Variants in NPTX1 observed in about 807,000 individuals in gnomAD.
NPTX1 encodes the protein neuronal pentraxin 1.
In NPTX1, 12 loss-of-function variants were observed where a neutral mutation model predicts 38.7. The observed-to-expected ratio is 0.31, with a 90% CI of 0.20 to 0.50. The LOEUF is 0.50. Among genes scored for constraint, NPTX1 ranks in the 20% least tolerant of loss-of-function variants. The pLI is 0.98. For missense variants in NPTX1, 454 were observed against 592.2 expected, an observed-to-expected ratio of 0.77 and a Z score of 2.42; for synonymous variants, 272 against 264.9, an observed-to-expected ratio of 1.03 and a Z score of -0.26.
rs888879567 is a variant in NPTX1 at position 80,468,178 on chromosome 17, G to A, written c.*2635C>T. On this transcript the variant is annotated 3_prime_UTR_variant, in exon 5 of 5. Transcript: ENST00000306773. Reference sequence around the variant, plus strand: ...TCTCGGGGCCAGCAAAGTGCCAAGTGTCAACACAGTGAGGGAGTCGAGGGG... The same window carrying A: ...TCTCGGGGCCAGCAAAGTGCCAAGTATCAACACAGTGAGGGAGTCGAGGGG... The A allele has an allele frequency of 2.6e-5, 4 of 152,872 alleles. No individual in the cohort carries two copies. Among genetic ancestry groups the A allele is most frequent in the Non-Finnish European group, 5.9e-5 (4 of 68,098 alleles). The allele number at this position is 152,872 out of a possible 1,614,324, so 9.5% of individuals were successfully genotyped here.
At chr17:80,473,880 G>GACCACC in intron 2 of NPTX1, 2 of 200,830 alleles carry the variant, frequency 1.0e-5, no homozygotes, top group Admixed American at 5.4e-5. Context: ...AGGATGGGGC[G>GACCACC]GGGCTCAGAG....
Position 80,467,017 on chromosome 17 carries a change from T to G in NPTX1, c.*3796A>C, listed in dbSNP as rs1365689310. ...GATACCCAAAAGGCTGCAGATCATA[T>G]GAAAAATGTACAGCTTTGGTTAGCA... On this transcript the variant is annotated 3_prime_UTR_variant, in exon 5 of 5. Coordinates refer to ENST00000306773, the MANE Select transcript of NPTX1 (RefSeq NM_002522.4). 6.6e-6 allele frequency: 1 copy of G among 152,026 alleles called. No individual in the cohort carries two copies. Among genetic ancestry groups the G allele is most frequent in the African/African-American group, 2.4e-5 (1 of 41,272 alleles). The allele number at this position is 152,026 out of a possible 1,614,324, so 9.4% of individuals were successfully genotyped here.
chr17:80,476,181 C>T lies in NPTX1; in HGVS notation c.266G>A (p.Cys89Tyr), dbSNP rs754168922. 2 of 1,582,090 alleles carry T rather than the reference C, an allele frequency of 1.3e-6. No homozygotes were observed. Among genetic ancestry groups the T allele is most frequent in the Non-Finnish European group, 1.7e-6 (2 of 1,169,702 alleles). The change falls in exon 1 of 5, where the codon TGC becomes TAC. Residue 89 changes from cysteine (C) to tyrosine (Y), a missense_variant. Coordinates refer to ENST00000306773, the MANE Select transcript of NPTX1 (RefSeq NM_002522.4). This position sits in a 1 kb window ranked among gnomAD's most constrained non-coding sequence, Gnocchi z 6.3. ...IRELTAKLGR[C>Y]ESQSTLDPGA... ...GGGGTCCAGCGTGCTCTGGCTCTCG[C>T]AGCGGCCCAGCTTGGCGGTCAGCTC...
chr17:80,471,305 C>T (rs968962250), intron 4 of NPTX1, among the ~76,000 whole-genome samples: 1 of 152,184 alleles, frequency 6.6e-6, no homozygotes, highest in Non-Finnish European at 1.5e-5. Flanking sequence ...CAGCTGGTCC[C>T]TCAGCCATGG....
rs1599508369 is a variant in NPTX1 at position 80,475,771 on chromosome 17, C to T, written c.445-53G>A. The T allele has an allele frequency of 2.1e-6, 3 of 1,420,122 alleles. No individual in the cohort carries two copies. The highest frequency in any genetic ancestry group is 2.4e-5 in the South Asian group (2 of 83,104). 88.0% of individuals were successfully genotyped at this position (1,420,122 alleles called of 1,614,324 possible). A position where few individuals can be genotyped will look rare whatever the true frequency, so the allele number is the denominator to read the frequency against. Reference sequence around the variant, plus strand: ...ACACCGTTAGGCGAGGCGCGGGGACCGTGCTGGAAGGCCCGCGGCGCGGTC... The same window carrying T: ...ACACCGTTAGGCGAGGCGCGGGGACTGTGCTGGAAGGCCCGCGGCGCGGTC... On this transcript the variant is annotated intron_variant, in intron 1 of 4. Transcript: ENST00000306773. The surrounding 1 kb of genome is among the most constrained non-coding windows in gnomAD (Gnocchi z 6.5).
rs1032329170 is a variant in NPTX1, at chr17:80,471,668, C to A, written c.1077+64G>T. 16 of 1,556,250 alleles carry A rather than the reference C, an allele frequency of 1.0e-5. No individual in the cohort carries two copies. The African/African-American group carries it at 2.2e-4, about 21-fold the overall frequency. ...GCTACCTCCCTCCCTCCTTGCTCCT[C>A]TTCCCCTTCCCAGCCTCTGGTTCTG... is the stretch of plus-strand genomic sequence containing the variant. On this transcript the variant is annotated intron_variant, in intron 4 of 4. Coordinates refer to ENST00000306773, the MANE Select transcript of NPTX1 (RefSeq NM_002522.4).
At position 80,470,869 on chromosome 17, in the gene NPTX1, C is replaced by G; in HGVS notation, c.1243G>C (p.Glu415Gln). 6.2e-7 allele frequency: 1 copy of G among 1,609,798 alleles called. No homozygotes were observed. Among genetic ancestry groups the G allele is most frequent in the Non-Finnish European group, 8.5e-7 (1 of 1,176,564 alleles). Residue 415 changes from glutamate (E) to glutamine (Q), a missense_variant, in exon 5 of 5, where the codon GAG (glutamate) becomes CAG (glutamine). Glu to Gln is a conservative substitution (Grantham distance 29). Around this residue, in one of 4 missense-constraint regions of NPTX1, gnomAD observed 50 missense variants for 54.0 expected, o/e 0.93. Coordinates refer to ENST00000306773, the MANE Select transcript of NPTX1 (RefSeq NM_002522.4). ...CACTTGGTGGCCCCTCCGTAGATCT[C>G]GATGTGGGATTCAGCCCAGGCGATG... ...NVIAWAESHIEIYGGATKWTF... is the reference protein window; with the variant it reads ...NVIAWAESHIQIYGGATKWTF...
In NPTX1 at chr17:80,476,302, C is replaced by T; in HGVS notation, c.145G>A (p.Gly49Ser). The change falls in exon 1 of 5, where the codon GGC becomes AGC. Residue 49 changes from glycine (G) to serine (S), a missense_variant. Transcript: ENST00000306773. The surrounding 1 kb of genome is among the most constrained non-coding windows in gnomAD (Gnocchi z 6.3). ...ADMCAASVAA[G>S]GAEELRSSVL... Reference sequence around the variant, plus strand: ...CTGCTCCGGAGCTCCTCGGCGCCGCCGGCGGCCACGGACGCGGCGCACATG... The same window carrying T: ...CTGCTCCGGAGCTCCTCGGCGCCGCTGGCGGCCACGGACGCGGCGCACATG... The T allele has an allele frequency of 6.4e-7, 1 of 1,555,786 alleles. No individual in the cohort carries two copies. The highest frequency in any genetic ancestry group is 8.6e-7 in the Non-Finnish European group (1 of 1,158,044).
rs1425490544 is a variant in NPTX1 at position 80,475,784 on chromosome 17, C to T, written c.445-66G>A. On this transcript the variant is annotated intron_variant, in intron 1 of 4. Coordinates refer to ENST00000306773, the MANE Select transcript of NPTX1 (RefSeq NM_002522.4). This position sits in a 1 kb window ranked among gnomAD's most constrained non-coding sequence, Gnocchi z 6.5. ...AGGCGCGGGGACCGTGCTGGAAGGC[C>T]CGCGGCGCGGTCCCCTCTGGGCGAC... The T allele has an allele frequency of 1.7e-5, 22 of 1,322,790 alleles. No homozygotes were observed. The South Asian group carries it at 2.7e-4, about 16-fold the overall frequency. 81.9% of individuals were successfully genotyped at this position (1,322,790 alleles called of 1,614,324 possible). A position where few individuals can be genotyped will look rare whatever the true frequency, so the allele number is the denominator to read the frequency against.
Position 80,470,778 on chromosome 17 carries a change from G to C in NPTX1, c.*35C>G. On this transcript the variant is annotated 3_prime_UTR_variant, in exon 5 of 5. Coordinates refer to ENST00000306773, the MANE Select transcript of NPTX1 (RefSeq NM_002522.4). ...CAGATCATCGCCGCACAAGCAGGGGGCGAGGGCGGGCGGGCTCAGCCTGGC... is the reference window on the plus strand; with the variant it reads ...CAGATCATCGCCGCACAAGCAGGGGCCGAGGGCGGGCGGGCTCAGCCTGGC... The C allele has an allele frequency of 1.4e-6, 2 of 1,404,936 alleles. No homozygotes were observed. The highest frequency in any genetic ancestry group is 2.0e-6 in the Non-Finnish European group (2 of 1,011,776). The allele number at this position is 1,404,936 out of a possible 1,614,324, so 87.0% of individuals were successfully genotyped here.
Position 80,475,717 on chromosome 17 carries a change from T to A in NPTX1, c.446A>T (p.Gln149Leu). 1 of 1,606,812 alleles carries A rather than the reference T, an allele frequency of 6.2e-7. No homozygotes were observed. The highest frequency in any genetic ancestry group is 8.5e-7 in the Non-Finnish European group (1 of 1,176,578). Residue 149 changes from glutamine to leucine, a missense_variant and splice_region_variant, in exon 2 of 5, where the codon CAG becomes CTG. By Grantham distance (113) the Gln-to-Leu change is moderately radical. Coordinates refer to ENST00000306773, the MANE Select transcript of NPTX1 (RefSeq NM_002522.4). The surrounding 1 kb of genome is among the most constrained non-coding windows in gnomAD (Gnocchi z 6.5). ...GCTGGAGGAATTGAGGCGGCTGTAC[T>A]GCTGCGGGGTGCAAGGGCGGGGGAA... ...SLKTRLENLE[Q>L]YSRLNSSSQT...
In NPTX1 at chr17:80,473,182, G is replaced by C; in HGVS notation, c.897+18C>G. On this transcript the variant is annotated intron_variant, in intron 3 of 4. Transcript: ENST00000306773. ...GGGGCCTCGCCCTGCCGCCCTGTGA[G>C]CCCGGGGGCTGCTCTACCTTGTCAT... 6.2e-7 allele frequency: 1 copy of C among 1,608,820 alleles called. No individual in the cohort carries two copies.
In NPTX1 at chr17:80,476,208, CGGATGGTCTCCTTCTGGCTCA is replaced by C; in HGVS notation, c.218_238del (p.Leu73_Ile79del). 7 of 1,575,026 alleles carry C rather than the reference CGGATGGTCTCCTTCTGGCTCA, an allele frequency of 4.4e-6. No individual in the cohort carries two copies. The highest frequency in any genetic ancestry group is 1.7e-4 in the Middle Eastern group (1 of 6,014). On this transcript the variant is annotated inframe_deletion, in exon 1 of 5. Transcript: ENST00000306773. This position sits in a 1 kb window ranked among gnomAD's most constrained non-coding sequence, Gnocchi z 6.3. ...GCGGCCCAGCTTGGCGGTCAGCTCG[CGGATGGTCTCCTTCTGGCTCA>C]GGATGGTCTCCTTCTGCTGCAGCAC...
intron 3 of NPTX1, 150 bp from the exon 4 acceptor site, chr17:80,472,061 C>T: frequency 1.3e-6 from 1 of 797,912 alleles, no homozygotes; most frequent in East Asian, 2.8e-5. Context: ...CTGCCCCAGA[C>T]TTCAGCGTCT....
rs377544013 is a variant in NPTX1, at chr17:80,467,430, G to A, written c.*3383C>T. The A allele has an allele frequency of 1.2e-4, 19 of 152,564 alleles. No homozygotes were observed. The highest frequency in any genetic ancestry group is 2.6e-4 in the Admixed American group (4 of 15,294). The allele number at this position is 152,564 out of a possible 1,614,324, so 9.5% of individuals were successfully genotyped here. On this transcript the variant is annotated 3_prime_UTR_variant, in exon 5 of 5. Coordinates refer to ENST00000306773, the MANE Select transcript of NPTX1 (RefSeq NM_002522.4). Reference sequence around the variant, plus strand: ...GGTTAGAACTGATATTCAAATCCTCGGCTCATTCCACTTAGTAAGTCAGCT... The same window carrying A: ...GGTTAGAACTGATATTCAAATCCTCAGCTCATTCCACTTAGTAAGTCAGCT...
intron 4 of NPTX1, 27 bp downstream of exon 4, chr17:80,471,705 C>A: frequency 6.3e-7 from 1 of 1,590,776 alleles, no homozygotes; most frequent in Non-Finnish European, 8.6e-7. Flanking sequence ...AGCTCTCTCC[C>A]CTTCCCCACC....
intron 2 of NPTX1, chr17:80,474,355 G>A (rs555511300): frequency 6.6e-6 from 1 of 152,442 alleles, no homozygotes; most frequent in South Asian, 2.1e-4. Flanking sequence ...AATGGGCACA[G>A]TAGCAGGCCC....
intron 2 of NPTX1, chr17:80,474,535 G>A (rs2083863917): frequency 6.6e-6 from 1 of 152,462 alleles, no homozygotes; most frequent in Non-Finnish European, 1.5e-5. Flanking sequence ...AGCAGAGCAG[G>A]GCAGGCCCCC....
chr17:80,473,277 C>T lies in NPTX1; in HGVS notation c.820G>A (p.Ala274Thr). Residue 274 changes from alanine to threonine, a missense_variant, in exon 3 of 5, where the codon GCT becomes ACT. Ala to Thr is a moderately conservative substitution (Grantham distance 58). Around this residue, in one of 4 missense-constraint regions of NPTX1, gnomAD observed 110 missense variants for 197.5 expected, o/e 0.56. Coordinates refer to ENST00000306773, the MANE Select transcript of NPTX1 (RefSeq NM_002522.4). Reference sequence around the variant, plus strand: ...AGCTCGTTGGCCTGGCCGGGCACAGCGTAGGAGAAGGGCGTGCCCACACCT... The same window carrying T: ...AGCTCGTTGGCCTGGCCGGGCACAGTGTAGGAGAAGGGCGTGCCCACACCT... ...TPGVGTPFSY[A>T]VPGQANELVL... 6.2e-7 allele frequency: 1 copy of T among 1,613,898 alleles called. No individual in the cohort carries two copies. Among genetic ancestry groups the T allele is most frequent in the Non-Finnish European group, 8.5e-7 (1 of 1,180,010 alleles).
Sources: allele counts gnomAD v4.1 joint callset (sites outside exome capture counted in the v4.1 genomes callset), GRCh38; gene constraint gnomAD v4.1.1; regional missense constraint gnomAD v4.1.1; non-coding constraint Gnocchi (gnomAD v3.1); transcripts MANE v1.5; gene names NCBI Gene and HGNC (gene_info 2026-07-23, HGNC 2026-07-21).